The following SSBP2 variants were observed in gnomAD, a reference collection of about 807,000 sequenced individuals.
SSBP2 encodes single stranded DNA binding protein 2.
A neutral mutation model predicts 61.8 loss-of-function variants in SSBP2; 17 were observed. That is an observed-to-expected ratio of 0.28 (90% confidence interval 0.19 to 0.41). The LOEUF (loss-of-function observed/expected upper bound fraction) is 0.41, where lower values mean the gene tolerates loss of function less well. Among genes scored for constraint, SSBP2 ranks in the 10% least tolerant of loss-of-function variants. The pLI is 1.00. For missense variants in SSBP2, 310 were observed against 458.7 expected, an observed-to-expected ratio of 0.68 and a Z score of 2.96; for synonymous variants, 139 against 141.3, an observed-to-expected ratio of 0.98 and a Z score of 0.12.
At chr5:81,736,725 C>T (rs898634247) in intron 1 of SSBP2, among the ~76,000 whole-genome samples, 1 of 152,118 alleles carries the variant, frequency 6.6e-6, no homozygotes, top group Admixed American at 6.5e-5. Flanking sequence ...TCAATTTGTG[C>T]TCTGTAAATA....
In SSBP2 at chr5:81,535,828, T is replaced by A. The variant is rs192925981; in HGVS notation, c.283-22111A>T. Among the ~76,000 whole-genome samples the A allele has an allele frequency of 4.6e-5, 7 of 151,866 alleles. No individual in the cohort carries two copies. The East Asian group carries it at 1.4e-3, about 29-fold the overall frequency. ...AAAACTTCTAGATAATAACATATAATAAAATCAAGATGACCTTTAAGATAC... is the reference window on the plus strand; with the variant it reads ...AAAACTTCTAGATAATAACATATAAAAAAATCAAGATGACCTTTAAGATAC... On this transcript the variant is annotated intron_variant, in intron 4 of 16. Coordinates refer to ENST00000320672, the MANE Select transcript of SSBP2 (RefSeq NM_012446.5).
intron 1 of SSBP2, among the ~76,000 whole-genome samples, chr5:81,660,130 C>T (rs915990264): frequency 1.3e-5 from 2 of 152,094 alleles, no homozygotes; most frequent in Non-Finnish European, 2.9e-5. Context: ...ATGACTAAAA[C>T]ACCAAAAGCA....
chr5:81,637,242 C>CT (rs757009707), intron 2 of SSBP2, among the ~76,000 whole-genome samples: 8 of 152,242 alleles, frequency 5.3e-5, no homozygotes, highest in Non-Finnish European at 8.8e-5. Flanking sequence ...CCCACACTCC[C>CT]TCTCCTTAGA....
chr5:81,426,030 A>G (rs1761930604), intron 16 of SSBP2, among the ~76,000 whole-genome samples: 1 of 152,222 alleles, frequency 6.6e-6, no homozygotes, highest in African/African-American at 2.4e-5. Context: ...AAACACTAGA[A>G]CTTGCATGTT....
At chr5:81,693,350 C>T (rs909054430) in intron 1 of SSBP2, among the ~76,000 whole-genome samples, 4 of 152,176 alleles carry the variant, frequency 2.6e-5, no homozygotes, top group African/African-American at 9.6e-5. Flanking sequence ...TAAAAAGCTT[C>T]TTCACAGCAA....
chr5:81,478,331 T>G (rs925376411), intron 6 of SSBP2, among the ~76,000 whole-genome samples: 1 of 151,768 alleles, frequency 6.6e-6, no homozygotes, highest in Non-Finnish European at 1.5e-5. Flanking sequence ...TGCCTAATTT[T>G]TTATTTTTAT....
At chr5:81,740,548 C>T (rs370709935) in intron 1 of SSBP2, among the ~76,000 whole-genome samples, 31 of 152,164 alleles carry the variant, frequency 2.0e-4, no homozygotes, top group Non-Finnish European at 3.8e-4. Flanking sequence ...CTGTATCACA[C>T]GGAGCTTCTC....
At chr5:81,443,462 A>T (rs1209988997) in intron 12 of SSBP2, among the ~76,000 whole-genome samples, 1 of 152,188 alleles carries the variant, frequency 6.6e-6, no homozygotes, top group Non-Finnish European at 1.5e-5. Context: ...CTAGAGTGAA[A>T]GGCTAAATAT....
chr5:81,679,679 G>C (rs947991595), intron 1 of SSBP2, among the ~76,000 whole-genome samples: 1 of 152,100 alleles, frequency 6.6e-6, no homozygotes, highest in African/African-American at 2.4e-5. Flanking sequence ...GCAAAAATAA[G>C]AACAAAGTAC....
intron 4 of SSBP2, among the ~76,000 whole-genome samples, chr5:81,538,361 AG>A (rs1316073704): frequency 6.6e-6 from 1 of 152,202 alleles, no homozygotes; most frequent in Admixed American, 6.5e-5. Context: ...TGATGTTGGC[AG>A]AAACTGGTTC....
At chr5:81,598,237 A>G (rs1054625570) in intron 4 of SSBP2, among the ~76,000 whole-genome samples, 12 of 152,094 alleles carry the variant, frequency 7.9e-5, no homozygotes, top group Admixed American at 2.6e-4. Flanking sequence ...TCAAAAAGAC[A>G]TATTACATAC....
At chr5:81,564,622 A>G (rs926680252) in intron 4 of SSBP2, among the ~76,000 whole-genome samples, 1 of 152,318 alleles carries the variant, frequency 6.6e-6, no homozygotes, top group Middle Eastern at 3.4e-3. Flanking sequence ...CTGTGAACCA[A>G]GTTACCCATT....
At chr5:81,593,428 T>C (rs1743336684) in intron 4 of SSBP2, among the ~76,000 whole-genome samples, 1 of 152,122 alleles carries the variant, frequency 6.6e-6, no homozygotes, top group South Asian at 2.1e-4. Context: ...CAGAATATTA[T>C]CCAGGAAAAC....
chr5:81,659,864 C>G (rs1343040650), intron 1 of SSBP2, among the ~76,000 whole-genome samples: 1 of 151,704 alleles, frequency 6.6e-6, no homozygotes, highest in Non-Finnish European at 1.5e-5. Flanking sequence ...AGAACAGAGA[C>G]CTCAGAAATA....
At chr5:81,751,350 T>TC, upstream of SSBP2, 1 of 398,522 alleles carries the variant, frequency 2.5e-6, no homozygotes, top group South Asian at 3.0e-5. Context: ...TCCTTCCCCC[T>TC]CCCCCCTCCG....
rs969295985 is a variant in SSBP2 at position 81,413,388 on chromosome 5, A to G, written c.*7116T>C. On this transcript the variant is annotated 3_prime_UTR_variant, in exon 17 of 17. Coordinates refer to ENST00000320672, the MANE Select transcript of SSBP2 (RefSeq NM_012446.5). ...ATCGTTGAATTAAGAATAGTAGATTACTAAGAGTCATCCCAGATTCCAATT... is the reference window on the plus strand; with the variant it reads ...ATCGTTGAATTAAGAATAGTAGATTGCTAAGAGTCATCCCAGATTCCAATT... 6.6e-6 allele frequency: 1 copy of G among 152,240 alleles called. No homozygotes were observed. Among genetic ancestry groups the G allele is most frequent in the Non-Finnish European group, 1.5e-5 (1 of 68,026 alleles). 9.4% of individuals were successfully genotyped at this position (152,240 alleles called of 1,614,324 possible). A position where few individuals can be genotyped will look rare whatever the true frequency, so the allele number is the denominator to read the frequency against.
intron 16 of SSBP2, among the ~76,000 whole-genome samples, chr5:81,423,778 G>A (rs1761767920): frequency 6.6e-6 from 1 of 151,988 alleles, no homozygotes; most frequent in African/African-American, 2.4e-5. Context: ...TCATTCATAT[G>A]TCAGGTTATG....
chr5:81,474,853 T>C (rs1222892243), intron 6 of SSBP2, among the ~76,000 whole-genome samples: 1 of 152,160 alleles, frequency 6.6e-6, no homozygotes, highest in African/African-American at 2.4e-5. Context: ...TGAGAAGTAT[T>C]ATGCCTTTTC....
At chr5:81,582,182 T>A (rs546442036) in intron 4 of SSBP2, among the ~76,000 whole-genome samples, 1 of 152,192 alleles carries the variant, frequency 6.6e-6, no homozygotes, top group Non-Finnish European at 1.5e-5. Flanking sequence ...TTGACATCTA[T>A]GAGCTGCTGT....
Sources: gnomAD v4.1 joint callset for allele counts (sites outside exome capture counted in the v4.1 genomes callset) on GRCh38, gnomAD v4.1.1 for gene constraint, MANE v1.5 for transcripts, NCBI Gene and HGNC (gene_info 2026-07-23, HGNC 2026-07-21) for gene names.